Variants in EML4 observed in about 807,000 individuals in gnomAD.
EML4 encodes the protein EMAP like 4.
Under a neutral mutation model 129.0 loss-of-function variants are expected in EML4, and 72 were observed. The ratio of observed to expected loss-of-function variants is 0.56; its 90% confidence interval spans 0.46 to 0.68. The LOEUF is 0.68. Among genes scored for constraint, EML4 ranks in the 30% least tolerant of loss-of-function variants. EML4 has a pLI of 0.00. For missense variants in EML4, 1,363 were observed against 1,190.6 expected (o/e 1.14, Z -2.13); for synonymous variants, 532 against 405.0 (o/e 1.31, Z -3.77).
At chr2:42,248,282 T>C (rs1187888660) in intron 2 of EML4, among the ~76,000 whole-genome samples, 1 of 152,244 alleles carries the variant, frequency 6.6e-6, no homozygotes, top group African/African-American at 2.4e-5. Context: ...TTATGTAAAT[T>C]GAGAAAAATT....
chr2:42,182,461 C>A lies in EML4; in HGVS notation c.25+12825C>A, dbSNP rs925972935. On this transcript the variant is annotated intron_variant, in intron 1 of 22. Coordinates refer to ENST00000318522, the MANE Select transcript of EML4 (RefSeq NM_019063.5). ...TTTCTCATCCACCTGGTTGTTGATA[C>A]CCTGCACTAAACTGACACCCCGTAC... 1.1e-4 allele frequency among the ~76,000 whole-genome samples: 16 copies of A among 152,006 alleles called. 1 individual carries two copies. Among genetic ancestry groups the A allele is most frequent in the Admixed American group, 9.8e-4 (15 of 15,268 alleles).
At chr2:42,260,694 G>A (rs1435214094) in intron 3 of EML4, among the ~76,000 whole-genome samples, 1 of 152,102 alleles carries the variant, frequency 6.6e-6, no homozygotes, top group African/African-American at 2.4e-5. Context: ...TGGAGTAGAA[G>A]TATACAGAAA....
Position 42,326,267 on chromosome 2 carries a change from C to T in EML4, c.2341+15C>T, listed in dbSNP as rs1156601602. On this transcript the variant is annotated intron_variant, in intron 21 of 22. Coordinates refer to ENST00000318522, the MANE Select transcript of EML4 (RefSeq NM_019063.5). ...TCAAGTATTTGGTAAGGAAATGACA[C>T]CTGATGTAAAGAAGTGGTTTGTGGG... 6.4e-7 allele frequency: 1 copy of T among 1,566,038 alleles called. No homozygotes were observed. The highest frequency in any genetic ancestry group is 8.8e-7 in the Non-Finnish European group (1 of 1,142,688).
At chr2:42,192,471 C>G (rs971950685) in intron 1 of EML4, among the ~76,000 whole-genome samples, 7 of 152,010 alleles carry the variant, frequency 4.6e-5, no homozygotes, top group African/African-American at 1.7e-4. Context: ...AACTCCTGAC[C>G]TCAAGTGATC....
At chr2:42,188,282 A>G (rs74466520) in intron 1 of EML4, among the ~76,000 whole-genome samples, 6 of 152,180 alleles carry the variant, frequency 3.9e-5, no homozygotes, top group Non-Finnish European at 2.9e-5. Flanking sequence ...AAAATAATGT[A>G]GAGGAAATGG....
chr2:42,219,481 G>C (rs912634701), intron 1 of EML4, among the ~76,000 whole-genome samples: 6 of 152,148 alleles, frequency 3.9e-5, no homozygotes, highest in Non-Finnish European at 7.4e-5. Context: ...TAAATCTTAA[G>C]CTTGCTTTAG....
intron 1 of EML4, among the ~76,000 whole-genome samples, chr2:42,212,156 A>G (rs1672922732): frequency 6.6e-6 from 1 of 152,092 alleles, no homozygotes; most frequent in South Asian, 2.1e-4. Flanking sequence ...CCCACTTTCA[A>G]ATTGTATGTA....
At chr2:42,325,142 C>T (rs1669717956) in intron 19 of EML4, 1 of 513,588 alleles carries the variant, frequency 1.9e-6, no homozygotes, top group Middle Eastern at 3.2e-4. Flanking sequence ...ATGGGGACAC[C>T]AGTGACGTGA....
At chr2:42,183,090 G>C (rs1377723391) in intron 1 of EML4, among the ~76,000 whole-genome samples, 5 of 152,166 alleles carry the variant, frequency 3.3e-5, no homozygotes, top group Non-Finnish European at 5.9e-5. Flanking sequence ...GGGAGGTGGA[G>C]GTTGCAGTGA....
intron 6 of EML4, among the ~76,000 whole-genome samples, chr2:42,274,548 C>A (rs945364566): frequency 2.0e-5 from 3 of 152,188 alleles, no homozygotes; most frequent in South Asian, 4.1e-4. Flanking sequence ...CTCCCTTCTC[C>A]ACTCTGCCTG....
At chr2:42,249,318 A>G (rs1230480791) in intron 2 of EML4, among the ~76,000 whole-genome samples, 1 of 151,306 alleles carries the variant, frequency 6.6e-6, no homozygotes, top group Non-Finnish European at 1.5e-5. Context: ...TGAAATTAGA[A>G]TTTATAGTAT....
chr2:42,330,086 G>T lies in EML4; in HGVS notation c.2825G>T (p.Ser942Ile). 6.2e-7 allele frequency: 1 copy of T among 1,613,142 alleles called. No homozygotes were observed. Among genetic ancestry groups the T allele is most frequent in the Non-Finnish European group, 8.5e-7 (1 of 1,179,904 alleles). ...EPSEDHSEEE[S>I]EEGSGDLGEP... Reference sequence around the variant, plus strand: ...AGTGAAGACCACAGCGAGGAGGAGAGTGAAGAGGGCAGCGGAGACCTTGGT... The same window carrying T: ...AGTGAAGACCACAGCGAGGAGGAGATTGAAGAGGGCAGCGGAGACCTTGGT... The change falls in exon 23 of 23, where the codon AGT (serine) becomes ATT (isoleucine). Residue 942 changes from serine (S) to isoleucine (I), a missense_variant. Physicochemically the swap from Ser to Ile is moderately radical, Grantham distance 142. Transcript: ENST00000318522.
At chr2:42,271,617 A>G (rs971625291) in intron 6 of EML4, among the ~76,000 whole-genome samples, 21 of 152,190 alleles carry the variant, frequency 1.4e-4, no homozygotes, top group African/African-American at 5.1e-4. Flanking sequence ...CATCAAGTAT[A>G]TGACTTCATT....
chr2:42,213,454 G>A (rs1672997925), intron 1 of EML4, among the ~76,000 whole-genome samples: 1 of 152,180 alleles, frequency 6.6e-6, no homozygotes, highest in Non-Finnish European at 1.5e-5. Flanking sequence ...CATTTACCCA[G>A]TCTCCTGTTG....
chr2:42,177,413 G>A (rs1051967289), intron 1 of EML4, among the ~76,000 whole-genome samples: 1 of 152,018 alleles, frequency 6.6e-6, no homozygotes, highest in Admixed American at 6.5e-5. Context: ...TTGAGCTCAG[G>A]AGTTTGAGAC....
In EML4 at chr2:42,208,593, C is replaced by G. The variant is rs563507336; in HGVS notation, c.26-36912C>G. ...AGATTACAGGCACCTGCCACCGCAC[C>G]CGGCTAATTTTTTATGTTTTTAGTA... On this transcript the variant is annotated intron_variant, in intron 1 of 22. Coordinates refer to ENST00000318522, the MANE Select transcript of EML4 (RefSeq NM_019063.5). Among the ~76,000 whole-genome samples the G allele has an allele frequency of 1.5e-3, 233 of 151,782 alleles. 3 individuals carry two copies. The highest frequency in any genetic ancestry group is 5.0e-3 in the African/African-American group (209 of 41,456).
rs556190914 is a variant in EML4 at position 42,245,575 on chromosome 2, G to A, written c.96G>A (p.Gln32=). Residue 32 remains glutamine (Q), a synonymous_variant, in exon 2 of 23, where the codon CAG becomes CAA. Transcript: ENST00000318522. The part of the protein sequence containing the change: ...DRLSALESRV[Q]QQEDEITVLK... Reference sequence around the variant, plus strand: ...TGTCAGCTCTTGAGTCACGAGTTCAGCAACAAGAAGATGAAATCACTGTGC... The same window carrying A: ...TGTCAGCTCTTGAGTCACGAGTTCAACAACAAGAAGATGAAATCACTGTGC... 6.2e-7 allele frequency: 1 copy of A among 1,613,866 alleles called. No individual in the cohort carries two copies. Among genetic ancestry groups the A allele is most frequent in the African/African-American group, 1.3e-5 (1 of 75,022 alleles).
At chr2:42,289,930 A>G (rs1442170526) in intron 11 of EML4, 2 of 150,190 alleles carry the variant, frequency 1.3e-5, no homozygotes, top group Admixed American at 6.6e-5. Context: ...AAAAAAAAAA[A>G]AAAAAAAATA....
chr2:42,245,870 A>T (rs1675371588), intron 2 of EML4, among the ~76,000 whole-genome samples, 183 bp downstream of exon 2: 1 of 152,110 alleles, frequency 6.6e-6, no homozygotes, highest in Non-Finnish European at 1.5e-5. Context: ...AAAATAAAGA[A>T]TTTTTGTGTA....
Sources: gnomAD v4.1 joint callset for allele counts (sites outside exome capture counted in the v4.1 genomes callset) on GRCh38, gnomAD v4.1.1 for gene constraint, MANE v1.5 for transcripts, NCBI Gene and HGNC (gene_info 2026-07-23, HGNC 2026-07-21) for gene names.